SFXN5: variants seen among roughly 807,000 people sequenced by gnomAD.
SFXN5 encodes the protein sideroflexin-5.
Under a neutral mutation model 50.2 loss-of-function variants are expected in SFXN5, and 43 were observed. The observed-to-expected ratio is 0.86, with a 90% CI of 0.67 to 1.11. The LOEUF (loss-of-function observed/expected upper bound fraction) is 1.11, where lower values mean the gene tolerates loss of function less well. Among genes scored for constraint, SFXN5 ranks in the 50% least tolerant of loss-of-function variants. SFXN5 has a pLI of 0.00. For synonymous variants in SFXN5, 203 were observed against 185.8 expected, an observed-to-expected ratio of 1.09 and a Z score of -0.75; for missense variants, 463 against 454.1, an observed-to-expected ratio of 1.02 and a Z score of -0.18.
At chr2:73,051,257 CT>C (rs35074891) in intron 2 of SFXN5, among the ~76,000 whole-genome samples, 17 of 114,766 alleles carry the variant, frequency 1.5e-4, no homozygotes, top group Non-Finnish European at 1.7e-4. Context: ...TTTTCCAGCA[CT>C]TTTTTTTTTT....
chr2:73,042,097 TG>T (rs1351387634), intron 2 of SFXN5, among the ~76,000 whole-genome samples: 2 of 151,956 alleles, frequency 1.3e-5, no homozygotes, highest in African/African-American at 4.8e-5. Flanking sequence ...GAGTAACTGA[TG>T]GGGAGAAAGA....
chr2:73,003,111 G>C (rs960600494), intron 6 of SFXN5, among the ~76,000 whole-genome samples: 4 of 151,962 alleles, frequency 2.6e-5, no homozygotes, highest in East Asian at 1.9e-4. Flanking sequence ...AGCCAGACCA[G>C]AGGGAGGGAG....
chr2:72,961,227 G>C lies in SFXN5; in HGVS notation c.849C>G (p.Arg283=). 6.5e-7 allele frequency: 1 copy of C among 1,538,352 alleles called. No individual in the cohort carries two copies. Among genetic ancestry groups the C allele is most frequent in the Non-Finnish European group, 8.7e-7 (1 of 1,149,768 alleles). The change falls in exon 13 of 14, where the codon CGC becomes CGG. Residue 283 remains arginine, a synonymous_variant. Coordinates refer to ENST00000272433, the MANE Select transcript of SFXN5 (RefSeq NM_144579.3). The surrounding 1 kb of genome is among the most constrained non-coding windows in gnomAD (Gnocchi z 4.4). ...TTTGCACAGGGAGGAGCAGCCGGGG[G>C]CGTGCCTGCAGGAGAGCCGTCCTGT... ...MLEKTALLQA[R]PRLLLPVQSL... is the part of the protein sequence containing the mutation.
intron 1 of SFXN5, chr2:73,059,277 T>A: frequency 1.0e-6 from 1 of 985,678 alleles, no homozygotes; most frequent in Non-Finnish European, 1.2e-6. Flanking sequence ...CCTTCTGCCC[T>A]GGGGACTAAG....
chr2:73,054,373 GT>G (rs563688839), intron 2 of SFXN5, among the ~76,000 whole-genome samples: 68 of 152,122 alleles, frequency 4.5e-4, no homozygotes, highest in African/African-American at 1.5e-3. Context: ...TAAATTAATA[GT>G]TTTTTTTAAG....
intron 13 of SFXN5, among the ~76,000 whole-genome samples, chr2:72,958,298 G>T (rs1445709689): frequency 1.3e-5 from 2 of 152,194 alleles, no homozygotes; most frequent in East Asian, 1.9e-4. Context: ...CACAGGAAAT[G>T]ATCAGGTGTA....
At chr2:73,022,227 G>C (rs1005348482) in intron 5 of SFXN5, among the ~76,000 whole-genome samples, 1 of 152,206 alleles carries the variant, frequency 6.6e-6, no homozygotes, top group Non-Finnish European at 1.5e-5. Context: ...GGCTGTCCTA[G>C]TGTGCGCTGA....
intron 3 of SFXN5, among the ~76,000 whole-genome samples, chr2:73,039,667 A>T (rs1679367229): frequency 6.6e-6 from 1 of 152,004 alleles, no homozygotes; most frequent in Non-Finnish European, 1.5e-5. Flanking sequence ...TGTCTGAAAG[A>T]TAGAATATAA....
At chr2:72,991,373 T>C (rs1672583195) in intron 9 of SFXN5, among the ~76,000 whole-genome samples, 1 of 152,268 alleles carries the variant, frequency 6.6e-6, no homozygotes, top group Non-Finnish European at 1.5e-5. Context: ...TCTGAGAGCA[T>C]GGCCAACGTG....
chr2:72,966,496 T>G lies in SFXN5; in HGVS notation c.827+1952A>C, dbSNP rs188251187. 5.4e-4 allele frequency among the ~76,000 whole-genome samples: 82 copies of G among 152,280 alleles called. 1 individual carries two copies. The highest frequency in any genetic ancestry group is 1.7e-3 in the African/African-American group (70 of 41,554). ...GCCTGCCCTGTTTATTTTTGTCTGTTGCAAACTTCCATACCATACGCATTT... is the reference window on the plus strand; with the variant it reads ...GCCTGCCCTGTTTATTTTTGTCTGTGGCAAACTTCCATACCATACGCATTT... On this transcript the variant is annotated intron_variant, in intron 12 of 13. Coordinates refer to ENST00000272433, the MANE Select transcript of SFXN5 (RefSeq NM_144579.3).
rs1385954382 is a variant in SFXN5, at chr2:72,992,553, C to T, written c.535-4205G>A. Among the ~76,000 whole-genome samples the T allele has an allele frequency of 1.3e-5, 2 of 152,226 alleles. No homozygotes were observed. Among genetic ancestry groups the T allele is most frequent in the Admixed American group, 6.5e-5 (1 of 15,286 alleles). On this transcript the variant is annotated intron_variant, in intron 9 of 13. Transcript: ENST00000272433. The surrounding 1 kb of genome is among the most constrained non-coding windows in gnomAD (Gnocchi z 4.5). Reference sequence around the variant, plus strand: ...TTCCTCACCCACACCCCAGCCTCCTCGCCCATTTCCAGCTCTGCTTCTCAT... The same window carrying T: ...TTCCTCACCCACACCCCAGCCTCCTTGCCCATTTCCAGCTCTGCTTCTCAT...
intron 3 of SFXN5, among the ~76,000 whole-genome samples, chr2:73,033,442 G>A (rs1678568814): frequency 6.6e-6 from 1 of 152,236 alleles, no homozygotes; most frequent in Non-Finnish European, 1.5e-5. Context: ...AGGATAGCAA[G>A]TGTGAGCAGG....
In SFXN5 at chr2:73,058,449, C is replaced by T. The variant is rs191458782; in HGVS notation, c.171+79G>A. On this transcript the variant is annotated intron_variant, in intron 2 of 13. Coordinates refer to ENST00000272433, the MANE Select transcript of SFXN5 (RefSeq NM_144579.3). The stretch of plus-strand genomic sequence containing the variant: ...ATTCTCTTCACTCCCCCATCCTCAC[C>T]CTCCCTTAATGACCCACATATTCTG... 5 of 1,381,300 alleles carry T rather than the reference C, an allele frequency of 3.6e-6. No individual in the cohort carries two copies. In the Admixed American group the frequency reaches 5.1e-5, roughly 14 times the overall value. The allele number at this position is 1,381,300 out of a possible 1,614,324, so 85.6% of individuals were successfully genotyped here.
At chr2:73,051,262 T>TTTC (rs1681284151) in intron 2 of SFXN5, among the ~76,000 whole-genome samples, 1 of 147,656 alleles carries the variant, frequency 6.8e-6, no homozygotes, top group African/African-American at 2.5e-5. Flanking sequence ...CAGCACTTTT[T>TTTC]TTTTTTTTTT....
At chr2:73,014,967 G>T (rs1429948368) in intron 6 of SFXN5, among the ~76,000 whole-genome samples, 1 of 151,934 alleles carries the variant, frequency 6.6e-6, no homozygotes, top group Non-Finnish European at 1.5e-5. Context: ...TACTGCACTT[G>T]CTAGTCTTCC....
At chr2:73,003,041 T>C (rs17008571) in intron 6 of SFXN5, among the ~76,000 whole-genome samples, 50,925 of 151,906 alleles carry the variant, frequency 0.34, 10,427 homozygotes, top group African/African-American at 0.57. Context: ...TGGGATCCCA[T>C]CTGCTAAGGA....
At position 72,957,423 on chromosome 2, in the gene SFXN5, AG is replaced by A. The variant is rs1673223505; in HGVS notation, c.945+3707del. Reference sequence around the variant, plus strand: ...GATAAAACTCTCCCCCAGGAACTGAAGGAAGGATTGAAGTCCTTGCCTCAAT... The same window carrying A: ...GATAAAACTCTCCCCCAGGAACTGAAGAAGGATTGAAGTCCTTGCCTCAAT... On this transcript the variant is annotated intron_variant, in intron 13 of 13. Transcript: ENST00000272433. 2.6e-5 allele frequency among the ~76,000 whole-genome samples: 4 copies of A among 152,358 alleles called. No individual in the cohort carries two copies. The South Asian group carries it at 8.3e-4, about 32-fold the overall frequency.
At chr2:72,979,745 T>C (rs557780568) in intron 10 of SFXN5, among the ~76,000 whole-genome samples, 3 of 152,312 alleles carry the variant, frequency 2.0e-5, no homozygotes, top group Admixed American at 6.5e-5. Flanking sequence ...TAAAATTGAC[T>C]GTGAGGTTAA....
At chr2:73,048,676 G>A (rs929869166) in intron 2 of SFXN5, among the ~76,000 whole-genome samples, 3 of 152,170 alleles carry the variant, frequency 2.0e-5, no homozygotes, top group South Asian at 2.1e-4. Flanking sequence ...AGCACACAAC[G>A]TCAGTTTCTT....
Sources: gnomAD v4.1 joint callset for allele counts (sites outside exome capture counted in the v4.1 genomes callset) on GRCh38, gnomAD v4.1.1 for gene constraint, Gnocchi (gnomAD v3.1) non-coding constraint, MANE v1.5 for transcripts, NCBI Gene and HGNC (gene_info 2026-07-23, HGNC 2026-07-21) for gene names.